Variants in ZNF407 observed in about 807,000 individuals in gnomAD.
The protein encoded by ZNF407 is zinc finger protein 407.
Under a neutral mutation model 131.2 loss-of-function variants are expected in ZNF407, and 17 were observed. The ratio of observed to expected loss-of-function variants is 0.13; its 90% CI spans 0.09 to 0.19. The LOEUF is 0.19. Among genes scored for constraint, ZNF407 ranks in the 10% least tolerant of loss-of-function variants. The pLI, the probability that ZNF407 is intolerant of heterozygous loss-of-function variation, is 1.00. For missense variants in ZNF407, 2,681 were observed against 2,830.6 expected, an observed-to-expected ratio of 0.95 and a Z score of 1.20; for synonymous variants, 1,156 against 1,062.0, an observed-to-expected ratio of 1.09 and a Z score of -1.72.
intron 8 of ZNF407, among the ~76,000 whole-genome samples, chr18:74,991,296 A>G (rs1972716005): frequency 6.6e-6 from 1 of 152,216 alleles, no homozygotes; most frequent in Non-Finnish European, 1.5e-5. Flanking sequence ...GATTTGGGTT[A>G]TGTTTAACAG....
intron 3 of ZNF407, among the ~76,000 whole-genome samples, chr18:74,670,399 A>G (rs1227165498): frequency 2.6e-5 from 4 of 152,228 alleles, no homozygotes; most frequent in African/African-American, 7.2e-5. Flanking sequence ...GTTAGATCCC[A>G]TCTCCAGCAC....
intron 4 of ZNF407, among the ~76,000 whole-genome samples, chr18:74,802,510 G>T (rs927598812): frequency 2.0e-5 from 3 of 152,214 alleles, no homozygotes; most frequent in Non-Finnish European, 2.9e-5. Context: ...GTATTGGAAG[G>T]AGAGGGAAAA....
intron 8 of ZNF407, among the ~76,000 whole-genome samples, chr18:74,997,815 C>T (rs9961644): frequency 0.17 from 25,710 of 152,118 alleles, 2,367 homozygotes; most frequent in Admixed American, 0.29. Flanking sequence ...CTCTGCTTAC[C>T]CAGCTGTCTA....
At chr18:74,886,738 G>A (rs1298985215) in intron 6 of ZNF407, among the ~76,000 whole-genome samples, 3 of 152,128 alleles carry the variant, frequency 2.0e-5, no homozygotes, top group Non-Finnish European at 4.4e-5. Context: ...GCTTGACAAA[G>A]GGATGAACAG....
chr18:74,865,976 A>G (rs147124539), intron 4 of ZNF407, among the ~76,000 whole-genome samples: 4 of 152,316 alleles, frequency 2.6e-5, no homozygotes, highest in East Asian at 3.9e-4. Context: ...TTTATTAACT[A>G]CTTATTCTCA....
intron 3 of ZNF407, among the ~76,000 whole-genome samples, chr18:74,724,607 G>A (rs1178575576): frequency 6.6e-6 from 1 of 151,724 alleles, no homozygotes; most frequent in Non-Finnish European, 1.5e-5. Context: ...AATATATATA[G>A]ATTTAAAATC....
chr18:74,999,893 TC>T, intron 8 of ZNF407, among the ~76,000 whole-genome samples: 1 of 152,222 alleles, frequency 6.6e-6, no homozygotes, highest in East Asian at 1.9e-4. Flanking sequence ...AGGGCATGAA[TC>T]TGAACAGCCA....
At chr18:74,826,829 C>T (rs368465269) in intron 4 of ZNF407, among the ~76,000 whole-genome samples, 12 of 152,188 alleles carry the variant, frequency 7.9e-5, no homozygotes, top group Admixed American at 2.6e-4. Context: ...AGCAATTCCC[C>T]GTCTCTGTGC....
At chr18:74,926,922 G>A (rs1276774442) in intron 8 of ZNF407, among the ~76,000 whole-genome samples, 1 of 152,234 alleles carries the variant, frequency 6.6e-6, no homozygotes, top group African/African-American at 2.4e-5. Context: ...GTGGAGCAGT[G>A]TCAGAGAAGC....
intron 8 of ZNF407, among the ~76,000 whole-genome samples, chr18:75,021,171 T>C (rs1973105235): frequency 6.6e-6 from 1 of 152,028 alleles, no homozygotes; most frequent in Non-Finnish European, 1.5e-5. Context: ...AAGCAACACA[T>C]CACATAGATT....
intron 8 of ZNF407, among the ~76,000 whole-genome samples, chr18:74,979,753 T>TATAAA (rs932041364): frequency 1.3e-5 from 2 of 152,140 alleles, no homozygotes; most frequent in Non-Finnish European, 2.9e-5. Flanking sequence ...GCCAGAGAAG[T>TATAAA]ATAAAATAAA....
At chr18:74,613,465 T>C (rs1983151453) in intron 1 of ZNF407, among the ~76,000 whole-genome samples, 1 of 152,188 alleles carries the variant, frequency 6.6e-6, no homozygotes, top group African/African-American at 2.4e-5. Flanking sequence ...GTGCTGAAAT[T>C]GTCAAAACCA....
At chr18:74,741,802 G>T (rs1968556765) in intron 3 of ZNF407, among the ~76,000 whole-genome samples, 1 of 152,086 alleles carries the variant, frequency 6.6e-6, no homozygotes, top group Non-Finnish European at 1.5e-5. Context: ...GAAGAAAATT[G>T]CTATTTAAGA....
intron 6 of ZNF407, among the ~76,000 whole-genome samples, chr18:74,886,365 A>G (rs1971308914): frequency 6.6e-6 from 1 of 152,120 alleles, no homozygotes; most frequent in South Asian, 2.1e-4. Context: ...AAAGCAAAAT[A>G]TATACCTACC....
chr18:74,717,616 G>T (rs1299714442), intron 3 of ZNF407, among the ~76,000 whole-genome samples: 2 of 152,088 alleles, frequency 1.3e-5, no homozygotes, highest in African/African-American at 4.8e-5. Flanking sequence ...GCTTATGTTT[G>T]AAGCAAATTT....
At chr18:74,700,159 G>T (rs964353306) in intron 3 of ZNF407, among the ~76,000 whole-genome samples, 10 of 152,150 alleles carry the variant, frequency 6.6e-5, no homozygotes, top group Non-Finnish European at 4.4e-5. Flanking sequence ...ACTTTGTGAG[G>T]TTTATTAAAT....
chr18:74,782,450 A>G (rs1245200607), intron 4 of ZNF407, among the ~76,000 whole-genome samples: 2 of 152,068 alleles, frequency 1.3e-5, no homozygotes, highest in African/African-American at 4.8e-5. Context: ...TGTTTTCTTT[A>G]GTATTGTAGT....
chr18:74,919,192 G>A (rs1012320032), intron 7 of ZNF407, among the ~76,000 whole-genome samples: 6 of 152,150 alleles, frequency 3.9e-5, no homozygotes, highest in South Asian at 2.1e-4. Flanking sequence ...GATAGATACC[G>A]TATTCACTGA....
At chr18:74,883,701 A>G (rs1306369561) in intron 6 of ZNF407, among the ~76,000 whole-genome samples, 1 of 152,218 alleles carries the variant, frequency 6.6e-6, no homozygotes, top group Non-Finnish European at 1.5e-5. Context: ...AGACGCGGTC[A>G]GCCCGTCTGA....
Sources: allele counts gnomAD v4.1 joint callset (sites outside exome capture counted in the v4.1 genomes callset), GRCh38; gene constraint gnomAD v4.1.1; transcripts MANE v1.5; gene names NCBI Gene and HGNC (gene_info 2026-07-23, HGNC 2026-07-21).